PTPRN2: variants seen among roughly 807,000 people sequenced by gnomAD.
PTPRN2 encodes receptor-type tyrosine-protein phosphatase N2.
A neutral mutation model predicts 118.8 loss-of-function variants in PTPRN2; 74 were observed. The ratio of observed to expected loss-of-function variants is 0.62; its 90% confidence interval spans 0.52 to 0.76. The LOEUF (loss-of-function observed/expected upper bound fraction) is 0.76, where lower values mean the gene tolerates loss of function less well. Ranked by LOEUF, PTPRN2 falls within the 30% of genes least tolerant of loss-of-function variation. PTPRN2 has a pLI of 0.00. For synonymous variants in PTPRN2, 641 were observed against 608.0 expected (o/e 1.05, Z -0.80); for missense variants, 1,481 against 1,394.4 (o/e 1.06, Z -0.99).
At chr7:158,059,146 T>C (rs56184322) in intron 11 of PTPRN2, among the ~76,000 whole-genome samples, 2 of 108,210 alleles carry the variant, frequency 1.8e-5, no homozygotes, top group South Asian at 3.5e-4. Flanking sequence ...CGGTGAGACA[T>C]CACTGCAGCC....
intron 6 of PTPRN2, among the ~76,000 whole-genome samples, chr7:158,153,348 G>A (rs1180506339): frequency 6.6e-6 from 1 of 152,212 alleles, no homozygotes; most frequent in East Asian, 1.9e-4. Flanking sequence ...CTTGTGATAA[G>A]GAAGGGGTCT....
At chr7:157,621,712 AACACACATTTT>A (rs1441377143) in intron 14 of PTPRN2, among the ~76,000 whole-genome samples, 1 of 152,242 alleles carries the variant, frequency 6.6e-6, no homozygotes, top group Non-Finnish European at 1.5e-5. Flanking sequence ...GTGCATTGTT[AACACACATTTT>A]ACATATGTAA....
At chr7:158,340,962 C>T (rs1806637461) in intron 2 of PTPRN2, among the ~76,000 whole-genome samples, 1 of 84,114 alleles carries the variant, frequency 1.2e-5, no homozygotes, top group Non-Finnish European at 2.6e-5. Flanking sequence ...GAGCTGACGC[C>T]CGCAGATGTC....
chr7:158,174,082 G>C (rs1224128671), intron 5 of PTPRN2, among the ~76,000 whole-genome samples: 2 of 152,174 alleles, frequency 1.3e-5, no homozygotes, highest in Admixed American at 6.5e-5. Flanking sequence ...TAAGAGTATT[G>C]AGTGGGGAAA....
At chr7:158,297,172 G>A (rs1403013347) in intron 3 of PTPRN2, among the ~76,000 whole-genome samples, 3 of 152,216 alleles carry the variant, frequency 2.0e-5, no homozygotes, top group South Asian at 2.1e-4. Flanking sequence ...CAATGGCTGG[G>A]CATAAGCTTT....
intron 16 of PTPRN2, among the ~76,000 whole-genome samples, chr7:157,599,701 C>G (rs954702071): frequency 1.3e-5 from 2 of 152,228 alleles, no homozygotes; most frequent in African/African-American, 2.4e-5. Flanking sequence ...CCCAAACCAG[C>G]CCCGGCCTCT....
chr7:157,778,724 G>C (rs1485973818), intron 12 of PTPRN2, among the ~76,000 whole-genome samples: 1 of 152,010 alleles, frequency 6.6e-6, no homozygotes, highest in African/African-American at 2.4e-5. Context: ...ATGTCCACCT[G>C]AATACAGGTG....
chr7:158,368,856 C>A (rs1809734586), intron 2 of PTPRN2, among the ~76,000 whole-genome samples: 2 of 152,128 alleles, frequency 1.3e-5, no homozygotes, highest in Non-Finnish European at 1.5e-5. Context: ...TGTGTGGGGT[C>A]CAGAGGAACC....
At chr7:158,266,032 G>C (rs943079463) in intron 3 of PTPRN2, among the ~76,000 whole-genome samples, 3 of 152,224 alleles carry the variant, frequency 2.0e-5, no homozygotes, top group Non-Finnish European at 4.4e-5. Flanking sequence ...GTCTGCTGCG[G>C]TGTGATGTCT....
At chr7:158,568,003 A>T (rs1827762558) in intron 1 of PTPRN2, among the ~76,000 whole-genome samples, 3 of 152,202 alleles carry the variant, frequency 2.0e-5, no homozygotes, top group Admixed American at 2.0e-4. Context: ...CTGTAATCCC[A>T]ACACTTTGGG....
chr7:157,552,309 A>G (rs189358549), intron 21 of PTPRN2, among the ~76,000 whole-genome samples: 2 of 152,294 alleles, frequency 1.3e-5, no homozygotes, highest in East Asian at 3.9e-4. Flanking sequence ...ATTTTTACAT[A>G]TTTCTATGTA....
At chr7:157,612,319 G>A (rs1174121830) in intron 15 of PTPRN2, among the ~76,000 whole-genome samples, 3 of 85,832 alleles carry the variant, frequency 3.5e-5, no homozygotes, top group Non-Finnish European at 5.0e-5. Flanking sequence ...GCAGGGCCAC[G>A]CTGTCTGCAC....
At chr7:157,933,418 G>T (rs1179634245) in intron 11 of PTPRN2, among the ~76,000 whole-genome samples, 1 of 149,618 alleles carries the variant, frequency 6.7e-6, no homozygotes, top group Admixed American at 6.8e-5. Context: ...TAGAGGAAGG[G>T]TGAGTCACTC....
intron 11 of PTPRN2, among the ~76,000 whole-genome samples, chr7:157,999,636 G>A (rs10277883): frequency 0.67 from 101,614 of 151,944 alleles, 34,450 homozygotes; most frequent in East Asian, 0.88. Flanking sequence ...TCCACACGAC[G>A]AGACCAGGGG....
At chr7:158,366,070 TGCACACACACAC>T (rs1161861092) in intron 2 of PTPRN2, among the ~76,000 whole-genome samples, 2 of 129,594 alleles carry the variant, frequency 1.5e-5, no homozygotes, top group Admixed American at 8.2e-5. Context: ...AATGCACGCG[TGCACACACACAC>T]GCACACACAC....
At position 158,287,696 on chromosome 7, in the gene PTPRN2, T is replaced by G. The variant is rs112982464; in HGVS notation, c.277+29123A>C. ...GTTCAGAAAAGATGCTTAATGTGATTTGAATCTTCTTAAATTTATTAATGT... is the reference window on the plus strand; with the variant it reads ...GTTCAGAAAAGATGCTTAATGTGATGTGAATCTTCTTAAATTTATTAATGT... On this transcript the variant is annotated intron_variant, in intron 3 of 22. Transcript: ENST00000389418. Among the ~76,000 whole-genome samples the G allele has an allele frequency of 9.1e-3, 1,390 of 152,292 alleles. 25 individuals carry two copies. Among genetic ancestry groups the G allele is most frequent in the African/African-American group, 0.032 (1,312 of 41,584 alleles).
chr7:157,726,692 G>A (rs1018903717), intron 12 of PTPRN2, among the ~76,000 whole-genome samples: 4 of 152,200 alleles, frequency 2.6e-5, no homozygotes, highest in Middle Eastern at 3.2e-3. Flanking sequence ...GCGTCAAAGC[G>A]CACCATCCAG....
intron 14 of PTPRN2, among the ~76,000 whole-genome samples, chr7:157,634,445 G>A (rs1804173872): frequency 6.6e-6 from 1 of 152,150 alleles, no homozygotes; most frequent in Admixed American, 6.5e-5. Context: ...ACTGCCCATA[G>A]CTAAACCCCA....
At position 158,342,084 on chromosome 7, in the gene PTPRN2, G is replaced by A. The variant is rs551638240; in HGVS notation, c.164-25152C>T. ...ACTCACATCCACACTCTCACCAGAAGGGGTGTCACCTGCAGACGTCACTCA... is the reference window on the plus strand; with the variant it reads ...ACTCACATCCACACTCTCACCAGAAAGGGTGTCACCTGCAGACGTCACTCA... On this transcript the variant is annotated intron_variant, in intron 2 of 22. Coordinates refer to ENST00000389418, the MANE Select transcript of PTPRN2 (RefSeq NM_002847.5). Among the ~76,000 whole-genome samples, 300 of 102,154 alleles carry A rather than the reference G, an allele frequency of 2.9e-3. 9 individuals carry two copies. Among genetic ancestry groups the A allele is most frequent in the Non-Finnish European group, 4.5e-3 (220 of 49,374 alleles). 67.0% of individuals were successfully genotyped at this position (102,154 alleles called of 152,430 possible). A position where few individuals can be genotyped will look rare whatever the true frequency, so the allele number is the denominator to read the frequency against.
Sources: allele counts gnomAD v4.1 joint callset (sites outside exome capture counted in the v4.1 genomes callset), GRCh38; gene constraint gnomAD v4.1.1; transcripts MANE v1.5; gene names NCBI Gene and HGNC (gene_info 2026-07-23, HGNC 2026-07-21).